ATP9A: variants seen among roughly 807,000 people sequenced by gnomAD.
ATP9A encodes ATPase phospholipid transporting 9A, also known as probable phospholipid-transporting ATPase IIA.
In ATP9A, 52 loss-of-function variants were observed where a neutral mutation model predicts 144.1. That is an observed-to-expected ratio of 0.36 (90% CI 0.29 to 0.45). ATP9A has a LOEUF of 0.45. ATP9A is among the 20% of genes least tolerant of loss of function. The pLI is 1.00. For missense variants in ATP9A, 947 were observed against 1,392.7 expected, an observed-to-expected ratio of 0.68 and a Z score of 5.09; for synonymous variants, 582 against 557.4, an observed-to-expected ratio of 1.04 and a Z score of -0.62.
At chr20:51,667,756 A>C (rs949598480) in intron 13 of ATP9A, among the ~76,000 whole-genome samples, 7 of 152,010 alleles carry the variant, frequency 4.6e-5, no homozygotes, top group Non-Finnish European at 1.0e-4. Context: ...GGATGAAGAC[A>C]AAAGGCCAAA....
chr20:51,693,083 G>T (rs1211620775), intron 7 of ATP9A, among the ~76,000 whole-genome samples: 2 of 152,138 alleles, frequency 1.3e-5, no homozygotes, highest in African/African-American at 4.8e-5. Context: ...GTTACACATG[G>T]CCAACTACTG....
At chr20:51,644,158 CAAG>C (rs1422856055) in intron 14 of ATP9A, among the ~76,000 whole-genome samples, 2 of 149,922 alleles carry the variant, frequency 1.3e-5, no homozygotes, top group Non-Finnish European at 3.0e-5. Flanking sequence ...TAAATAAAAA[CAAG>C]AAAAAAAATT....
chr20:51,684,226 CA>C (rs1383233090), intron 9 of ATP9A, among the ~76,000 whole-genome samples: 1 of 152,110 alleles, frequency 6.6e-6, no homozygotes, highest in Non-Finnish European at 1.5e-5. Flanking sequence ...ATAAAAACTG[CA>C]AACTTTAGTT....
intron 22 of ATP9A, among the ~76,000 whole-genome samples, chr20:51,614,901 C>T (rs935734008): frequency 2.0e-5 from 3 of 152,078 alleles, no homozygotes; most frequent in African/African-American, 7.2e-5. Context: ...TGAGGACATG[C>T]TAATAAATGT....
chr20:51,700,366 C>CA (rs764346525), intron 4 of ATP9A, among the ~76,000 whole-genome samples: 4 of 152,088 alleles, frequency 2.6e-5, no homozygotes, highest in African/African-American at 7.2e-5. Context: ...ACAACAAACA[C>CA]AAAAAATCAG....
At chr20:51,712,247 T>C (rs1241734069) in intron 4 of ATP9A, among the ~76,000 whole-genome samples, 1 of 152,088 alleles carries the variant, frequency 6.6e-6, no homozygotes, top group African/African-American at 2.4e-5. Flanking sequence ...TAATTTTTTT[T>C]GTATTTTTAG....
chr20:51,706,911 A>G (rs556867326), intron 4 of ATP9A, among the ~76,000 whole-genome samples: 1 of 152,282 alleles, frequency 6.6e-6, no homozygotes, highest in East Asian at 1.9e-4. Flanking sequence ...CCTGTACTGT[A>G]TATGAATTCT....
At position 51,652,197 on chromosome 20, in the gene ATP9A, C is replaced by T. The variant is rs116119558; in HGVS notation, c.1506+4741G>A. On this transcript the variant is annotated intron_variant, in intron 14 of 27. Coordinates refer to ENST00000338821, the MANE Select transcript of ATP9A (RefSeq NM_006045.3). ...CCAGCATCTGAGCAGTGCTCCGCTC[C>T]TCCGGGTCCGACTGTATCTATTTCA... Among the ~76,000 whole-genome samples the T allele has an allele frequency of 1.6e-4, 24 of 152,340 alleles. 1 individual carries two copies. Among genetic ancestry groups the T allele is most frequent in the African/African-American group, 5.5e-4 (23 of 41,582 alleles).
intron 1 of ATP9A, among the ~76,000 whole-genome samples, chr20:51,751,046 C>T (rs1000051905): frequency 2.6e-5 from 4 of 152,006 alleles, no homozygotes; most frequent in African/African-American, 7.2e-5. Context: ...ATGGGTCACG[C>T]GGATAAAGAA....
At chr20:51,717,631 C>A (rs1009147285) in intron 3 of ATP9A, among the ~76,000 whole-genome samples, 1 of 151,450 alleles carries the variant, frequency 6.6e-6, no homozygotes, top group Non-Finnish European at 1.5e-5. Flanking sequence ...GGAGTAGGGG[C>A]AGAGAAGGCC....
intron 1 of ATP9A, among the ~76,000 whole-genome samples, chr20:51,743,203 C>T (rs1217639420): frequency 6.6e-6 from 1 of 152,154 alleles, no homozygotes; most frequent in Non-Finnish European, 1.5e-5. Flanking sequence ...GACTTCAGCT[C>T]CCTGGTGCCC....
At chr20:51,661,080 G>T (rs1347449257) in intron 13 of ATP9A, among the ~76,000 whole-genome samples, 1 of 152,182 alleles carries the variant, frequency 6.6e-6, no homozygotes, top group Non-Finnish European at 1.5e-5. Flanking sequence ...CCCTGGGCGG[G>T]TGTCTCGAAT....
At chr20:51,684,308 A>G (rs886561313) in intron 9 of ATP9A, among the ~76,000 whole-genome samples, 8 of 152,256 alleles carry the variant, frequency 5.3e-5, no homozygotes, top group African/African-American at 1.9e-4. Flanking sequence ...TAATATTCTT[A>G]TGACATAAAC....
At chr20:51,631,616 C>G (rs891315281) in intron 15 of ATP9A, among the ~76,000 whole-genome samples, 4 of 152,188 alleles carry the variant, frequency 2.6e-5, no homozygotes, top group Non-Finnish European at 5.9e-5. Flanking sequence ...CAAGATTACG[C>G]CATAAATTTA....
At chr20:51,717,064 C>T (rs1185323424) in intron 3 of ATP9A, among the ~76,000 whole-genome samples, 3 of 150,442 alleles carry the variant, frequency 2.0e-5, no homozygotes, top group African/African-American at 7.4e-5. Flanking sequence ...CCCAGCTCCT[C>T]GGGTGGCTGA....
chr20:51,747,098 G>GGTT (rs74175578), intron 1 of ATP9A, among the ~76,000 whole-genome samples: 2 of 138,692 alleles, frequency 1.4e-5, no homozygotes, highest in Non-Finnish European at 3.1e-5. Flanking sequence ...TGGGTTTTTC[G>GGTT]TTTTTTTTTT....
At chr20:51,686,771 C>G (rs559966399) in intron 9 of ATP9A, among the ~76,000 whole-genome samples, 1 of 152,060 alleles carries the variant, frequency 6.6e-6, no homozygotes, top group Non-Finnish European at 1.5e-5. Flanking sequence ...CCCATCTTTA[C>G]TAAAAATACA....
intron 1 of ATP9A, among the ~76,000 whole-genome samples, chr20:51,743,478 C>A (rs554384531): frequency 7.2e-6 from 1 of 139,794 alleles, no homozygotes; most frequent in East Asian, 2.1e-4. Flanking sequence ...CGGCTCACTG[C>A]AACCTCTGCC....
intron 9 of ATP9A, among the ~76,000 whole-genome samples, chr20:51,678,941 A>G (rs546593744): frequency 7.9e-5 from 12 of 152,288 alleles, no homozygotes; most frequent in Admixed American, 7.2e-4. Flanking sequence ...GAGGACGCAC[A>G]CACCGGATGC....
Sources: gnomAD v4.1 joint callset for allele counts (sites outside exome capture counted in the v4.1 genomes callset) on GRCh38, gnomAD v4.1.1 for gene constraint, MANE v1.5 for transcripts, NCBI Gene and HGNC (gene_info 2026-07-23, HGNC 2026-07-21) for gene names.